MEIKIN: variants seen among roughly 807,000 people sequenced by gnomAD.
MEIKIN encodes meiotic kinetochore factor.
chr5:131,897,068 G>C (rs1279317349), intron 8 of MEIKIN, among the ~76,000 whole-genome samples: 2 of 152,320 alleles, frequency 1.3e-5, no homozygotes, highest in East Asian at 3.9e-4. Flanking sequence ...GGTCTTGTAA[G>C]GCAGGCCTGG....
intron 9 of MEIKIN, among the ~76,000 whole-genome samples, chr5:131,865,573 A>G (rs1750369385): frequency 6.6e-6 from 1 of 152,108 alleles, no homozygotes; most frequent in Non-Finnish European, 1.5e-5. Context: ...GTACCTTTGC[A>G]GGTGTCATAT....
intron 12 of MEIKIN, among the ~76,000 whole-genome samples, chr5:131,817,794 G>A (rs1425156075): frequency 6.6e-6 from 1 of 152,118 alleles, no homozygotes; most frequent in Non-Finnish European, 1.5e-5. Flanking sequence ...TACTGTGGAG[G>A]AAATAAGTAC....
intron 9 of MEIKIN, among the ~76,000 whole-genome samples, chr5:131,875,328 C>G (rs1462230669): frequency 6.6e-6 from 1 of 152,176 alleles, no homozygotes; most frequent in East Asian, 1.9e-4. Context: ...ACAAAAATCA[C>G]AAGCATTCTT....
intron 4 of MEIKIN, among the ~76,000 whole-genome samples, chr5:131,934,795 T>G (rs1053105251): frequency 6.6e-6 from 1 of 152,180 alleles, no homozygotes; most frequent in Admixed American, 6.5e-5. Context: ...CAGTGGCTCA[T>G]GCCTGTAATC....
chr5:131,924,211 T>C (rs1019408569), intron 5 of MEIKIN, among the ~76,000 whole-genome samples: 2 of 152,208 alleles, frequency 1.3e-5, no homozygotes, highest in Non-Finnish European at 2.9e-5. Flanking sequence ...TCACATTTTC[T>C]TTATCCATTC....
intron 8 of MEIKIN, among the ~76,000 whole-genome samples, chr5:131,892,419 T>C (rs879745740): frequency 6.6e-6 from 1 of 152,218 alleles, no homozygotes; most frequent in Non-Finnish European, 1.5e-5. Flanking sequence ...CGTTTCTTTT[T>C]ATTCTTTTTT....
intron 8 of MEIKIN, among the ~76,000 whole-genome samples, chr5:131,884,799 C>T (rs1160053958): frequency 6.6e-6 from 1 of 151,424 alleles, no homozygotes; most frequent in African/African-American, 2.4e-5. Context: ...GAGAGGAGTC[C>T]ACTGCCCTGA....
chr5:131,905,727 C>A (rs1381758452), intron 8 of MEIKIN, among the ~76,000 whole-genome samples: 1 of 151,932 alleles, frequency 6.6e-6, no homozygotes, highest in Non-Finnish European at 1.5e-5. Context: ...AAATAGAGAA[C>A]CCAAACATAA....
chr5:131,866,297 C>A (rs998690192), intron 9 of MEIKIN, among the ~76,000 whole-genome samples: 1 of 152,168 alleles, frequency 6.6e-6, no homozygotes, highest in Non-Finnish European at 1.5e-5. Context: ...TCAGGTGCAA[C>A]CAATGGTGTA....
intron 4 of MEIKIN, among the ~76,000 whole-genome samples, chr5:131,935,839 A>C (rs1354620455): frequency 6.6e-6 from 1 of 152,134 alleles, no homozygotes; most frequent in African/African-American, 2.4e-5. Flanking sequence ...CCACTGGAAC[A>C]CTTAAATTGA....
intron 11 of MEIKIN, among the ~76,000 whole-genome samples, chr5:131,830,903 G>T (rs943365519): frequency 2.1e-5 from 3 of 144,168 alleles, no homozygotes; most frequent in African/African-American, 7.6e-5. Context: ...GAGGACTTTG[G>T]TTTTTTTTTT....
chr5:131,902,139 G>A lies in MEIKIN; in HGVS notation c.703+9676C>T, dbSNP rs570562570. On this transcript the variant is annotated intron_variant, in intron 8 of 12. Coordinates refer to ENST00000442687, the MANE Select transcript of MEIKIN (RefSeq NM_001303622.2). ...TCTTTGCCTTCTGCCATGACTGTAAGTTTCCTGAGATTGCTGGGCACAATG... is the reference window on the plus strand; with the variant it reads ...TCTTTGCCTTCTGCCATGACTGTAAATTTCCTGAGATTGCTGGGCACAATG... Among the ~76,000 whole-genome samples, 7 of 152,248 alleles carry A rather than the reference G, an allele frequency of 4.6e-5. No homozygotes were observed. In the South Asian group the frequency reaches 1.4e-3, roughly 32 times the overall value.
chr5:131,926,825 G>C (rs550689179), intron 5 of MEIKIN, among the ~76,000 whole-genome samples: 1 of 152,068 alleles, frequency 6.6e-6, no homozygotes, highest in Non-Finnish European at 1.5e-5. Context: ...GGGCATGGTA[G>C]TCTCATGATT....
chr5:131,910,500 A>G (rs1751315988), intron 8 of MEIKIN, among the ~76,000 whole-genome samples: 1 of 152,060 alleles, frequency 6.6e-6, no homozygotes, highest in South Asian at 2.1e-4. Flanking sequence ...GAAAGAATGA[A>G]TAAGACCTAG....
chr5:131,920,434 G>A (rs982971598), intron 6 of MEIKIN, among the ~76,000 whole-genome samples: 9 of 152,288 alleles, frequency 5.9e-5, no homozygotes, highest in South Asian at 2.1e-4. Context: ...GTGAAATAAA[G>A]TTTGAGGAGA....
intron 8 of MEIKIN, among the ~76,000 whole-genome samples, chr5:131,889,611 G>A (rs893799957): frequency 2.0e-5 from 3 of 152,180 alleles, no homozygotes; most frequent in African/African-American, 2.4e-5. Flanking sequence ...GAGATTTTGG[G>A]CTGAGAAGAT....
At chr5:131,864,717 G>C (rs776655894) in intron 9 of MEIKIN, among the ~76,000 whole-genome samples, 8 of 152,148 alleles carry the variant, frequency 5.3e-5, no homozygotes, top group African/African-American at 9.7e-5. Flanking sequence ...TGTTGTATCT[G>C]TCTGGGAAAT....
At chr5:131,855,233 T>C (rs1040960431) in intron 9 of MEIKIN, among the ~76,000 whole-genome samples, 79 of 152,310 alleles carry the variant, frequency 5.2e-4, no homozygotes, top group Middle Eastern at 3.4e-3. Context: ...TTGTACTTTT[T>C]GTGGAAAGAA....
chr5:131,808,874 G>A (rs558579983), intron 12 of MEIKIN, among the ~76,000 whole-genome samples: 179 of 152,256 alleles, frequency 1.2e-3, no homozygotes, highest in African/African-American at 4.1e-3. Flanking sequence ...CCAGGAGTAC[G>A]AGATCAGCCT....
Sources: allele counts gnomAD v4.1 joint callset (sites outside exome capture counted in the v4.1 genomes callset), GRCh38; gene constraint gnomAD v4.1.1; transcripts MANE v1.5; gene names NCBI Gene and HGNC (gene_info 2026-07-23, HGNC 2026-07-21).